The following YEATS2 variants were observed in gnomAD, a reference collection of about 807,000 sequenced individuals.
YEATS2 encodes the protein YEATS domain-containing protein 2.
A neutral mutation model predicts 163.2 loss-of-function variants in YEATS2; 77 were observed. The observed-to-expected ratio is 0.47, with a 90% CI of 0.39 to 0.57. YEATS2 has a LOEUF of 0.57. YEATS2 is among the 20% of genes least tolerant of loss of function. The pLI is 0.00. For synonymous variants in YEATS2, 631 were observed against 645.1 expected (o/e 0.98, Z 0.33); for missense variants, 1,549 against 1,729.8 (o/e 0.90, Z 1.85).
chr3:183,743,954 C>T lies in YEATS2; in HGVS notation c.925-3718C>T, dbSNP rs556331454. Among the ~76,000 whole-genome samples, 9 of 152,138 alleles carry T rather than the reference C, an allele frequency of 5.9e-5. 1 individual carries two copies. The highest frequency in any genetic ancestry group is 1.9e-4 in the African/African-American group (8 of 41,486). On this transcript the variant is annotated intron_variant, in intron 8 of 30. Transcript: ENST00000305135. Reference sequence around the variant, plus strand: ...GTGATAGGTGGGACTGCTTAACCTGCGGCTTAAGTTATTTTCCAAAGATTA... The same window carrying T: ...GTGATAGGTGGGACTGCTTAACCTGTGGCTTAAGTTATTTTCCAAAGATTA...
chr3:183,735,411 T>C (rs1718235575), intron 7 of YEATS2, among the ~76,000 whole-genome samples: 1 of 152,216 alleles, frequency 6.6e-6, no homozygotes, highest in Non-Finnish European at 1.5e-5. Flanking sequence ...CACAGCTGCT[T>C]CTCTTAGCTC....
chr3:183,730,707 G>C (rs1011522842), intron 7 of YEATS2, among the ~76,000 whole-genome samples: 1 of 152,076 alleles, frequency 6.6e-6, no homozygotes, highest in African/African-American at 2.4e-5. Context: ...TGGAAAAGGG[G>C]GAAAGGTTTC....
chr3:183,729,940 T>C (rs1292219686), intron 7 of YEATS2, among the ~76,000 whole-genome samples: 1 of 151,798 alleles, frequency 6.6e-6, no homozygotes, highest in African/African-American at 2.4e-5. Context: ...TCTGCCCGCC[T>C]TGGCCACCCA....
At chr3:183,800,093 A>G (rs964913471) in intron 23 of YEATS2, among the ~76,000 whole-genome samples, 12 of 152,066 alleles carry the variant, frequency 7.9e-5, no homozygotes, top group African/African-American at 2.7e-4. Flanking sequence ...CGGCCTCCCA[A>G]AGTGCTGGGA....
intron 1 of YEATS2, among the ~76,000 whole-genome samples, chr3:183,703,617 TTAAA>T (rs1473234422): frequency 6.6e-6 from 1 of 152,186 alleles, no homozygotes; most frequent in Non-Finnish European, 1.5e-5. Context: ...AGAGTAATGT[TTAAA>T]TAGGTGGAGA....
At chr3:183,706,819 A>G (rs1714671585) in intron 1 of YEATS2, among the ~76,000 whole-genome samples, 1 of 152,158 alleles carries the variant, frequency 6.6e-6, no homozygotes, top group South Asian at 2.1e-4. Flanking sequence ...TCTGTCTCAA[A>G]AAAAAAAAAG....
Position 183,780,801 on chromosome 3 carries a change from A to T in YEATS2, c.2736+3101A>T, listed in dbSNP as rs564349987. 2.6e-5 allele frequency among the ~76,000 whole-genome samples: 4 copies of T among 152,328 alleles called. No individual in the cohort carries two copies. In the East Asian group the frequency reaches 7.7e-4, roughly 29 times the overall value. On this transcript the variant is annotated intron_variant, in intron 19 of 30. Transcript: ENST00000305135. ...AAAGGATTTGTATTGGAATAACAGTACTAACAGGCTTAATTCTGTATCATT... is the reference window on the plus strand; with the variant it reads ...AAAGGATTTGTATTGGAATAACAGTTCTAACAGGCTTAATTCTGTATCATT...
In YEATS2 at chr3:183,728,928, C is replaced by G. The variant is rs115536501; in HGVS notation, c.812+77C>G. 11,822 of 1,410,106 alleles carry G rather than the reference C, an allele frequency of 8.4e-3. 80 individuals carry two copies. Among genetic ancestry groups the G allele is most frequent in the South Asian group, 0.017 (1,251 of 73,600 alleles). The allele number at this position is 1,410,106 out of a possible 1,614,324, so 87.3% of individuals were successfully genotyped here. On this transcript the variant is annotated intron_variant, in intron 7 of 30. Transcript: ENST00000305135. ...AAGTGGAAGAAAAGTGATTTAACTT[C>G]AAAACATTTCCTGGAAATGCAGTAG...
At chr3:183,793,099 G>A (rs1560323204) in intron 21 of YEATS2, 1 of 1,259,738 alleles carries the variant, frequency 7.9e-7, no homozygotes, top group Admixed American at 2.3e-5. Context: ...TCTAAATACT[G>A]TATTATCTTG....
intron 1 of YEATS2, among the ~76,000 whole-genome samples, chr3:183,703,516 CTTCT>C (rs2108966498): frequency 6.6e-6 from 1 of 152,192 alleles, no homozygotes; most frequent in African/African-American, 2.4e-5. Context: ...CTTCTCGTTC[CTTCT>C]GTTACAAAAT....
At chr3:183,770,302 T>C (rs1230547264) in intron 15 of YEATS2, among the ~76,000 whole-genome samples, 2 of 151,894 alleles carry the variant, frequency 1.3e-5, no homozygotes, top group African/African-American at 4.8e-5. Flanking sequence ...GAGAATGGCA[T>C]GAACCCGTGA....
At chr3:183,724,197 A>G (rs1257834417) in intron 5 of YEATS2, among the ~76,000 whole-genome samples, 3 of 152,214 alleles carry the variant, frequency 2.0e-5, no homozygotes, top group Non-Finnish European at 4.4e-5. Flanking sequence ...GTATGTGACT[A>G]TTAAAAACAC....
chr3:183,799,831 T>C (rs1725493850), intron 23 of YEATS2, among the ~76,000 whole-genome samples: 1 of 148,416 alleles, frequency 6.7e-6, no homozygotes, highest in Non-Finnish European at 1.5e-5. Context: ...TTTTTTTTTT[T>C]CTTTTTTTTT....
At position 183,715,043 on chromosome 3, in the gene YEATS2, T is replaced by G. The variant is rs1715691342; in HGVS notation, c.-19-101T>G. The stretch of plus-strand genomic sequence containing the variant: ...TAATGTAATATTTATTTATTTATTT[T>G]GTTTGTACACATATATTTGTAAGTA... On this transcript the variant is annotated intron_variant, in intron 1 of 30. Transcript: ENST00000305135. 4 of 625,774 alleles carry G rather than the reference T, an allele frequency of 6.4e-6. No individual in the cohort carries two copies. The Admixed American group carries it at 8.6e-5, about 13-fold the overall frequency. 38.8% of individuals were successfully genotyped at this position (625,774 alleles called of 1,614,324 possible).
In YEATS2 at chr3:183,806,868, T is replaced by G; in HGVS notation, c.3787T>G (p.Cys1263Gly). The G allele has an allele frequency of 6.2e-7, 1 of 1,613,846 alleles. No homozygotes were observed. Among genetic ancestry groups the G allele is most frequent in the Non-Finnish European group, 8.5e-7 (1 of 1,179,872 alleles). ...AACACTGCTTGCCTGTCATTTAGAG[T>G]GCCCATCATCATTCTCCTCTGCTGA... ...VLTQIDSEPE[C>G]PSSFSSADNL... The change falls in exon 28 of 31, where the codon TGC becomes GGC. Residue 1263 changes from cysteine (C) to glycine (G), a missense_variant and splice_region_variant. Transcript: ENST00000305135.
intron 5 of YEATS2, among the ~76,000 whole-genome samples, chr3:183,723,854 A>G (rs1449179972): frequency 1.3e-5 from 2 of 152,128 alleles, no homozygotes; most frequent in Admixed American, 6.5e-5. Context: ...GGAGATTGCA[A>G]TGAGCCGAGA....
rs781136526 is a variant in YEATS2 at position 183,752,106 on chromosome 3, G to A, written c.1003G>A (p.Gly335Arg). ...VDVELHRHSL[G>R]EDCIYPQSSE... ...TGTTGAACTCCATCGCCATTCTCTC[G>A]GAGAAGACTGTATCTATCCTCAGTC... The change falls in exon 10 of 31, where the codon GGA becomes AGA. Residue 335 changes from glycine (G) to arginine (R), a missense_variant. Coordinates refer to ENST00000305135, the MANE Select transcript of YEATS2 (RefSeq NM_018023.5). The A allele has an allele frequency of 1.8e-5, 29 of 1,613,878 alleles. No homozygotes were observed. Among genetic ancestry groups the A allele is most frequent in the Admixed American group, 1.2e-4 (7 of 59,980 alleles).
At chr3:183,753,637 A>G (rs1720412314) in intron 10 of YEATS2, among the ~76,000 whole-genome samples, 2 of 152,210 alleles carry the variant, frequency 1.3e-5, no homozygotes, top group African/African-American at 4.8e-5. Flanking sequence ...AATCCCAGCT[A>G]TTCCGGAGGC....
At position 183,808,080 on chromosome 3, in the gene YEATS2, CGTG is replaced by C. The variant is rs1560343616; in HGVS notation, c.4067_4069del (p.Val1356del). ...CACTCCACAGGAACGTGTATGCGTC[CGTG>C]GTGGAGGACATGATCCTGAAGGTGG... On this transcript the variant is annotated inframe_deletion, in exon 29 of 31. Transcript: ENST00000305135. 1 of 1,557,804 alleles carries C rather than the reference CGTG, an allele frequency of 6.4e-7. No individual in the cohort carries two copies. The highest frequency in any genetic ancestry group is 1.4e-5 in the African/African-American group (1 of 73,382).
Sources: allele counts gnomAD v4.1 joint callset (sites outside exome capture counted in the v4.1 genomes callset), GRCh38; gene constraint gnomAD v4.1.1; transcripts MANE v1.5; gene names NCBI Gene and HGNC (gene_info 2026-07-23, HGNC 2026-07-21).